The following TNNI3K variants were observed in gnomAD, a reference collection of about 807,000 sequenced individuals.
TNNI3K encodes the protein TNNI3 interacting kinase.
A neutral mutation model predicts 114.5 loss-of-function variants in TNNI3K; 140 were observed. The ratio of observed to expected loss-of-function variants is 1.22; its 90% CI spans 1.07 to 1.41. The LOEUF (loss-of-function observed/expected upper bound fraction) is 1.41, where lower values mean the gene tolerates loss of function less well. Ranked by LOEUF, TNNI3K falls within the 40% of genes most tolerant of loss-of-function variation. The pLI is 0.00. For missense variants in TNNI3K, 1,125 were observed against 1,007.6 expected (o/e 1.12, Z -1.58); for synonymous variants, 347 against 347.5 (o/e 1.00, Z 0.02).
intron 4 of TNNI3K, among the ~76,000 whole-genome samples, chr1:74,261,228 C>T (rs1270174360): frequency 6.6e-6 from 1 of 151,824 alleles, no homozygotes; most frequent in African/African-American, 2.4e-5. Context: ...ATCCCACTTA[C>T]TTTGGCTCAC....
chr1:74,496,483 C>G, intron 23 of TNNI3K, among the ~76,000 whole-genome samples: 1 of 152,022 alleles, frequency 6.6e-6, no homozygotes, highest in Admixed American at 6.6e-5. Flanking sequence ...GTGGGGACAC[C>G]TCAACACTGT....
rs1488873110 is a variant in TNNI3K, at chr1:74,331,501, G to A, written c.496G>A (p.Val166Ile). The change falls in exon 6 of 25, where the codon GTT becomes ATT. Residue 166 changes from valine (V) to isoleucine (I), a missense_variant. Physicochemically the swap from Val to Ile is conservative, Grantham distance 29 (BLOSUM62 3). Transcript: ENST00000326637. The stretch of plus-strand genomic sequence containing the variant: ...AGCTAATGTCAATATTCAAGATGCA[G>A]TTTTTTTCACTCCATTGCATATTGC... ...HGANVNIQDA[V>I]FFTPLHIAAY... 6.2e-7 allele frequency: 1 copy of A among 1,613,758 alleles called. No individual in the cohort carries two copies. Among genetic ancestry groups the A allele is most frequent in the East Asian group, 2.2e-5 (1 of 44,862 alleles).
chr1:74,250,038 G>A (rs1570369313), intron 3 of TNNI3K, among the ~76,000 whole-genome samples: 1 of 152,164 alleles, frequency 6.6e-6, no homozygotes, highest in Admixed American at 6.5e-5. Context: ...AATTTGAATG[G>A]TGCCTGGCCT....
At chr1:74,477,827 T>G (rs1210533081) in intron 21 of TNNI3K, among the ~76,000 whole-genome samples, 1 of 152,218 alleles carries the variant, frequency 6.6e-6, no homozygotes, top group African/African-American at 2.4e-5. Flanking sequence ...ATGGGCATTG[T>G]TTCTATTTTT....
At position 74,353,288 on chromosome 1, in the gene TNNI3K, A is replaced by T. The variant is rs200593720; in HGVS notation, c.955A>T (p.Ile319Phe). The change falls in exon 10 of 25, where the codon ATT becomes TTT. Residue 319 changes from isoleucine to phenylalanine, a missense_variant. Transcript: ENST00000326637. ...FHSACTYGKSIDLVKFLLDQN... is the reference protein window; with the variant it reads ...FHSACTYGKSFDLVKFLLDQN... ...CAGTGCTTGTACCTATGGCAAGAGC[A>T]TTGACCTAGTCAAATTTCTTCTTGA... 3 of 1,613,646 alleles carry T rather than the reference A, an allele frequency of 1.9e-6. No individual in the cohort carries two copies. The African/African-American group carries it at 4.0e-5, about 22-fold the overall frequency.
At chr1:74,490,129 G>C (rs1359377950) in intron 22 of TNNI3K, among the ~76,000 whole-genome samples, 1 of 149,466 alleles carries the variant, frequency 6.7e-6, no homozygotes, top group African/African-American at 2.5e-5. Flanking sequence ...TGCAGTTACA[G>C]CCTGCAGTGA....
At chr1:74,350,108 C>T (rs909864743) in intron 9 of TNNI3K, among the ~76,000 whole-genome samples, 7 of 151,980 alleles carry the variant, frequency 4.6e-5, no homozygotes, top group East Asian at 3.9e-4. Flanking sequence ...TGTGGGCATT[C>T]GGTGCTATAA....
intron 17 of TNNI3K, among the ~76,000 whole-genome samples, chr1:74,432,066 A>ATGTG (rs111964721): frequency 4.6e-5 from 7 of 150,826 alleles, no homozygotes; most frequent in African/African-American, 1.7e-4. Flanking sequence ...AAGTCTGTGT[A>ATGTG]TGTGTGTGTG....
At chr1:74,464,515 T>C in intron 21 of TNNI3K, 1 of 1,419,430 alleles carries the variant, frequency 7.0e-7, no homozygotes, top group Non-Finnish European at 9.2e-7. Context: ...TTTATAGCTC[T>C]TCAACAAGAG....
At position 74,493,742 on chromosome 1, in the gene TNNI3K, C is replaced by A. The variant is rs565837657; in HGVS notation, c.2351+1476C>A. On this transcript the variant is annotated intron_variant, in intron 23 of 24. Coordinates refer to ENST00000326637, the MANE Select transcript of TNNI3K (RefSeq NM_015978.3). Reference sequence around the variant, plus strand: ...ACACCCACATAGAAAAATGTACTACCTGGGGTATATTCTTCTCACAGACAA... The same window carrying A: ...ACACCCACATAGAAAAATGTACTACATGGGGTATATTCTTCTCACAGACAA... Among the ~76,000 whole-genome samples, 4 of 152,256 alleles carry A rather than the reference C, an allele frequency of 2.6e-5. No homozygotes were observed. The South Asian group carries it at 6.2e-4, about 24-fold the overall frequency.
intron 21 of TNNI3K, among the ~76,000 whole-genome samples, chr1:74,481,201 A>C (rs1486830252): frequency 6.6e-6 from 1 of 152,208 alleles, no homozygotes; most frequent in Non-Finnish European, 1.5e-5. Flanking sequence ...TTTGTTTGAG[A>C]AACATAAACC....
At chr1:74,454,794 G>A (rs1203511244) in intron 20 of TNNI3K, among the ~76,000 whole-genome samples, 1 of 152,062 alleles carries the variant, frequency 6.6e-6, no homozygotes, top group African/African-American at 2.4e-5. Flanking sequence ...AAACCTCCAT[G>A]CTGTTCTCCA....
chr1:74,370,237 G>A (rs1210880977), intron 16 of TNNI3K, 51 bp from the exon 17 acceptor site: 2 of 1,473,554 alleles, frequency 1.4e-6, no homozygotes, highest in Non-Finnish European at 1.8e-6. Flanking sequence ...TTGCTTTTTT[G>A]ATATTCGTTT....
intron 2 of TNNI3K, among the ~76,000 whole-genome samples, chr1:74,237,880 C>T (rs529756326): frequency 2.0e-5 from 3 of 151,656 alleles, no homozygotes; most frequent in Admixed American, 6.6e-5. Context: ...TCATGTGTGC[C>T]GAATAATATT....
At chr1:74,533,477 G>T (rs1646618341) in intron 23 of TNNI3K, among the ~76,000 whole-genome samples, 2 of 152,124 alleles carry the variant, frequency 1.3e-5, no homozygotes, top group African/African-American at 4.8e-5. Flanking sequence ...CTGTAAACTA[G>T]TTCAACCATT....
At chr1:74,437,503 A>G (rs1055957526) in intron 19 of TNNI3K, among the ~76,000 whole-genome samples, 1 of 151,962 alleles carries the variant, frequency 6.6e-6, no homozygotes. Flanking sequence ...ATGAAGGAAA[A>G]CGTTAACATT....
chr1:74,527,691 G>C (rs1196861066), intron 23 of TNNI3K, among the ~76,000 whole-genome samples: 1 of 152,162 alleles, frequency 6.6e-6, no homozygotes, highest in Admixed American at 6.5e-5. Flanking sequence ...GCCACTGAGG[G>C]ATTGGAATCA....
At chr1:74,342,156 G>T (rs1660776722) in intron 7 of TNNI3K, among the ~76,000 whole-genome samples, 1 of 152,104 alleles carries the variant, frequency 6.6e-6, no homozygotes, top group African/African-American at 2.4e-5. Context: ...ATTAATACTT[G>T]CAGTATACGG....
rs1228750993 is a variant in TNNI3K at position 74,518,694 on chromosome 1, TCA to T, written c.2352-21539_2352-21538del. 2.8e-4 allele frequency among the ~76,000 whole-genome samples: 42 copies of T among 152,268 alleles called. 1 individual carries two copies. The South Asian group carries it at 4.8e-3, about 17-fold the overall frequency. ...TCAAAACAATATCTGTTTTTTAAGC[TCA>T]AAATTATTATATTAGTGTTTTGAAC... On this transcript the variant is annotated intron_variant, in intron 23 of 24. Transcript: ENST00000326637.
Sources: gnomAD v4.1 joint callset for allele counts (sites outside exome capture counted in the v4.1 genomes callset) on GRCh38, gnomAD v4.1.1 for gene constraint, MANE v1.5 for transcripts, NCBI Gene and HGNC (gene_info 2026-07-23, HGNC 2026-07-21) for gene names.